Variants in RGS22 observed in about 807,000 individuals in gnomAD.
The protein encoded by RGS22 is regulator of G-protein signaling 22.
Under a neutral mutation model 172.9 loss-of-function variants are expected in RGS22, and 148 were observed. That is an observed-to-expected ratio of 0.86 (90% confidence interval 0.75 to 0.98). RGS22 has a LOEUF of 0.98. Among genes scored for constraint, RGS22 ranks in the 50% least tolerant of loss-of-function variants. The probability of loss-of-function intolerance (pLI) is 0.00; values close to 1 mark genes in which losing one functional copy is unlikely to be tolerated. For synonymous variants in RGS22, 458 were observed against 480.2 expected (o/e 0.95, Z 0.60); for missense variants, 1,347 against 1,440.8 (o/e 0.93, Z 1.05).
Position 99,962,539 on chromosome 8 carries a change from G to A in RGS22, c.3791-96C>T, listed in dbSNP as rs1810315542. On this transcript the variant is annotated intron_variant, in intron 26 of 27. Transcript: ENST00000360863. ...GAGAGAAGCAGGACTCACACACACG[G>A]AGAAATTCTCCTAAGTTGGGGGGCA... 4 of 1,455,888 alleles carry A rather than the reference G, an allele frequency of 2.7e-6. No individual in the cohort carries two copies. The Admixed American group carries it at 7.1e-5, about 26-fold the overall frequency. The allele number at this position is 1,455,888 out of a possible 1,614,324, so 90.2% of individuals were successfully genotyped here.
chr8:100,029,742 C>T (rs1818589139), intron 14 of RGS22, among the ~76,000 whole-genome samples: 1 of 148,720 alleles, frequency 6.7e-6, no homozygotes, highest in Admixed American at 6.7e-5. Flanking sequence ...GAAACCATGG[C>T]ATGTGTATAC....
intron 14 of RGS22, among the ~76,000 whole-genome samples, chr8:100,036,703 A>C (rs1819513485): frequency 6.6e-6 from 1 of 152,068 alleles, no homozygotes; most frequent in Admixed American, 6.6e-5. Context: ...GGCTCAAGCG[A>C]TCCTCCCACC....
intron 2 of RGS22, among the ~76,000 whole-genome samples, chr8:100,098,107 G>A (rs1813126309): frequency 6.6e-6 from 1 of 152,012 alleles, no homozygotes; most frequent in African/African-American, 2.4e-5. Context: ...CTGGAGTAGT[G>A]GTCATCTATA....
chr8:99,996,688 T>C (rs1225967968), intron 19 of RGS22, among the ~76,000 whole-genome samples, 158 bp from the exon 20 acceptor site: 1 of 152,166 alleles, frequency 6.6e-6, no homozygotes, highest in Admixed American at 6.5e-5. Flanking sequence ...GGAAGCCCTG[T>C]GGTCAGGTAC....
chr8:99,998,117 T>A (rs1814588564), intron 19 of RGS22, among the ~76,000 whole-genome samples: 1 of 152,200 alleles, frequency 6.6e-6, no homozygotes, highest in South Asian at 2.1e-4. Context: ...AGAATTATCA[T>A]AACTTATCTA....
At position 100,062,706 on chromosome 8, in the gene RGS22, A is replaced by T. The variant is rs753054983; in HGVS notation, c.1399T>A (p.Tyr467Asn). 17 of 1,599,574 alleles carry T rather than the reference A, an allele frequency of 1.1e-5. No individual in the cohort carries two copies. Among genetic ancestry groups the T allele is most frequent in the Admixed American group, 1.8e-5 (1 of 56,092 alleles). The change falls in exon 9 of 28, where the codon TAC becomes AAC. Residue 467 changes from tyrosine to asparagine, a missense_variant. By Grantham distance (143) the Tyr-to-Asn change is moderately radical. Coordinates refer to ENST00000360863, the MANE Select transcript of RGS22 (RefSeq NM_015668.5). Reference protein sequence around the residue: ...KKCYLVSNGDYYLSAEILSKF... With the variant: ...KKCYLVSNGDNYLSAEILSKF... ...GATAAGATTTCTGCAGAAAGGTAGT[A>T]ATCTCCATTGCTCACTAGATAGCAT...
chr8:99,993,351 C>T (rs1438173049), intron 20 of RGS22, among the ~76,000 whole-genome samples: 1 of 151,804 alleles, frequency 6.6e-6, no homozygotes, highest in Non-Finnish European at 1.5e-5. Flanking sequence ...AAAAGATCAA[C>T]AAAATTGATA....
chr8:99,989,923 CAGAT>C (rs763727217), intron 20 of RGS22, among the ~76,000 whole-genome samples: 187 of 151,368 alleles, frequency 1.2e-3, no homozygotes, highest in Non-Finnish European at 1.6e-3. Context: ...GATAGATAGA[CAGAT>C]AGACAGACAG....
chr8:100,026,570 A>C (rs1818199353), intron 14 of RGS22, among the ~76,000 whole-genome samples: 1 of 152,232 alleles, frequency 6.6e-6, no homozygotes, highest in African/African-American at 2.4e-5. Context: ...TCATAGAAAT[A>C]GAAGGAGAAA....
At chr8:100,028,883 T>C (rs1335930833) in intron 14 of RGS22, among the ~76,000 whole-genome samples, 1 of 152,232 alleles carries the variant, frequency 6.6e-6, no homozygotes, top group African/African-American at 2.4e-5. Flanking sequence ...TGGCTGCTTC[T>C]AATCAAGAGA....
intron 6 of RGS22, among the ~76,000 whole-genome samples, chr8:100,070,060 T>G (rs1487130587): frequency 2.4e-5 from 3 of 125,628 alleles, no homozygotes; most frequent in Non-Finnish European, 5.1e-5. Context: ...AAAACAAAAC[T>G]AGGAGAGTCA....
rs1174580054 is a variant in RGS22, at chr8:100,051,819, A to ATT, written c.1689+982_1689+983insAA. Among the ~76,000 whole-genome samples, 41 of 73,454 alleles carry ATT rather than the reference A, an allele frequency of 5.6e-4. 5 individuals carry two copies. The South Asian group carries it at 0.022, about 39-fold the overall frequency. 48.2% of individuals were successfully genotyped at this position (73,454 alleles called of 152,430 possible). A position where few individuals can be genotyped will look rare whatever the true frequency, so the allele number is the denominator to read the frequency against. On this transcript the variant is annotated intron_variant, in intron 10 of 27. Coordinates refer to ENST00000360863, the MANE Select transcript of RGS22 (RefSeq NM_015668.5). Reference sequence around the variant, plus strand: ...TATATTTATATATAAATGTTTATATATATTTATATATAAATGTTTATATAT... The same window carrying ATT: ...TATATTTATATATAAATGTTTATATATTTATTTATATATAAATGTTTATATAT...
intron 4 of RGS22, 125 bp downstream of exon 4, chr8:100,080,009 A>G (rs910262902): frequency 1.5e-6 from 1 of 664,392 alleles, no homozygotes; most frequent in Admixed American, 3.0e-5. Flanking sequence ...AACAAATACT[A>G]TGTGTACGTA....
chr8:99,968,581 A>C (rs1218088941), intron 23 of RGS22, among the ~76,000 whole-genome samples: 3 of 152,164 alleles, frequency 2.0e-5, no homozygotes, highest in African/African-American at 7.2e-5. Context: ...AACTTCATGA[A>C]GCATACACCA....
At chr8:100,073,659 C>T (rs568510989) in intron 4 of RGS22, among the ~76,000 whole-genome samples, 6 of 152,258 alleles carry the variant, frequency 3.9e-5, no homozygotes, top group East Asian at 3.9e-4. Context: ...CGCCCACTAG[C>T]GCTACATTCA....
chr8:100,084,244 A>C (rs1812000033), intron 3 of RGS22, among the ~76,000 whole-genome samples: 1 of 152,190 alleles, frequency 6.6e-6, no homozygotes, highest in Non-Finnish European at 1.5e-5. Context: ...TTTATTTCTC[A>C]GACTCCCTAC....
intron 4 of RGS22, among the ~76,000 whole-genome samples, chr8:100,074,368 C>T (rs1233343070): frequency 6.6e-6 from 1 of 152,204 alleles, no homozygotes; most frequent in Admixed American, 6.5e-5. Flanking sequence ...ACCAGGACTA[C>T]AATCAAGATA....
In RGS22 at chr8:100,055,423, T is replaced by G. The variant is rs138393584; in HGVS notation, c.1515-2447A>C. On this transcript the variant is annotated intron_variant, in intron 9 of 27. Transcript: ENST00000360863. ...CTATGAGTTTGCAAGAACAACAGCA[T>G]TACTAACCTTAGGGTGCCCCCTAAA... Among the ~76,000 whole-genome samples, 811 of 152,256 alleles carry G rather than the reference T, an allele frequency of 5.3e-3. 6 individuals are homozygous for G. The highest frequency in any genetic ancestry group is 0.018 in the African/African-American group (744 of 41,534).
At chr8:100,072,364 T>C (rs1431857992) in intron 4 of RGS22, 134 bp from the exon 5 acceptor site, 2 of 498,906 alleles carry the variant, frequency 4.0e-6, no homozygotes, top group Non-Finnish European at 7.0e-6. Context: ...CTATTTCCAC[T>C]AGAGAGATCA....
Sources: allele counts gnomAD v4.1 joint callset (sites outside exome capture counted in the v4.1 genomes callset), GRCh38; gene constraint gnomAD v4.1.1; transcripts MANE v1.5; gene names NCBI Gene and HGNC (gene_info 2026-07-23, HGNC 2026-07-21).